NFATC1: variants seen among roughly 807,000 people sequenced by gnomAD.
NFATC1 encodes nuclear factor of activated T cells 1.
In NFATC1, 22 loss-of-function variants were observed where a neutral mutation model predicts 76.0. The observed-to-expected ratio is 0.29, with a 90% CI of 0.21 to 0.41. The LOEUF (loss-of-function observed/expected upper bound fraction) is 0.41. Ranked by LOEUF, NFATC1 falls within the 10% of genes least tolerant of loss-of-function variation. The pLI, the probability that NFATC1 is intolerant of heterozygous loss-of-function variation, is 1.00. For missense variants in NFATC1, 1,357 were observed against 1,337.7 expected, an observed-to-expected ratio of 1.01 and a Z score of -0.23; for synonymous variants, 704 against 613.1, an observed-to-expected ratio of 1.15 and a Z score of -2.19.
intron 7 of NFATC1, among the ~76,000 whole-genome samples, chr18:79,462,746 A>G (rs1438022125): frequency 6.9e-6 from 1 of 145,370 alleles, no homozygotes; most frequent in Non-Finnish European, 1.5e-5. Context: ...TGAAGACATG[A>G]ACATGCTTCT....
rs762645075 is a variant in NFATC1 at position 79,449,089 on chromosome 18, C to T, written c.1589+105C>T. On this transcript the variant is annotated intron_variant, in intron 4 of 9. Transcript: ENST00000427363. The stretch of plus-strand genomic sequence containing the variant: ...GCCAGCCCCCCGCACTTCCAGGCTG[C>T]GTGGCCAGGACACTTTTGGTTTAAC... 58 of 1,118,932 alleles carry T rather than the reference C, an allele frequency of 5.2e-5. No individual in the cohort carries two copies. In the East Asian group the frequency reaches 9.5e-4, roughly 18 times the overall value. 69.3% of individuals were successfully genotyped at this position (1,118,932 alleles called of 1,614,324 possible). A position where few individuals can be genotyped will look rare whatever the true frequency, so the allele number is the denominator to read the frequency against.
chr18:79,517,111 G>A (rs925852121), intron 9 of NFATC1, among the ~76,000 whole-genome samples: 12 of 152,212 alleles, frequency 7.9e-5, no homozygotes, highest in African/African-American at 2.7e-4. Flanking sequence ...TGTCAAAGCT[G>A]AGTACAGCAA....
At chr18:79,466,809 G>A (rs1037494696) in intron 7 of NFATC1, among the ~76,000 whole-genome samples, 7 of 152,178 alleles carry the variant, frequency 4.6e-5, no homozygotes, top group African/African-American at 4.8e-5. Context: ...CAGAGACCGC[G>A]TCTCCAGGAA....
intron 7 of NFATC1, among the ~76,000 whole-genome samples, chr18:79,464,949 C>G (rs1245897171): frequency 6.6e-6 from 1 of 151,922 alleles, no homozygotes; most frequent in East Asian, 1.9e-4. Flanking sequence ...AAGCAATCCT[C>G]CCACCTGGGC....
intron 7 of NFATC1, among the ~76,000 whole-genome samples, chr18:79,462,605 G>C (rs763822832): frequency 3.9e-5 from 6 of 152,204 alleles, no homozygotes; most frequent in Non-Finnish European, 7.3e-5. Flanking sequence ...TGCCCGGCCT[G>C]ATGTTCACTT....
chr18:79,457,933 T>C (rs1178377622), intron 6 of NFATC1, among the ~76,000 whole-genome samples: 1 of 152,182 alleles, frequency 6.6e-6, no homozygotes, highest in Non-Finnish European at 1.5e-5. Flanking sequence ...ACGTGGGGTC[T>C]TTCTGTGGCT....
chr18:79,496,265 C>T (rs575448278), intron 9 of NFATC1: 1 of 152,678 alleles, frequency 6.5e-6, no homozygotes, highest in South Asian at 2.1e-4. Context: ...TATTTGAGAA[C>T]GAGTGTTCTT....
intron 1 of NFATC1, among the ~76,000 whole-genome samples, chr18:79,403,527 C>G (rs2085335617): frequency 6.6e-6 from 1 of 152,218 alleles, no homozygotes; most frequent in Admixed American, 6.5e-5. Flanking sequence ...TGCTTCCCGC[C>G]CCAGGGCTCC....
At chr18:79,442,235 TGCACGTGTGGAGACTG>T (rs1261050630) in intron 3 of NFATC1, among the ~76,000 whole-genome samples, 1 of 152,218 alleles carries the variant, frequency 6.6e-6, no homozygotes, top group Non-Finnish European at 1.5e-5. Context: ...GAGACCCGCG[TGCACGTGTGGAGACTG>T]GCACGTGTGA....
At chr18:79,479,280 G>A (rs951344129) in intron 8 of NFATC1, among the ~76,000 whole-genome samples, 4 of 152,218 alleles carry the variant, frequency 2.6e-5, no homozygotes, top group Admixed American at 6.5e-5. Flanking sequence ...GCCAGAGGCC[G>A]CCTGGTGCAG....
rs2088415125 is a variant in NFATC1, at chr18:79,465,230, G to T, written c.1960-2220G>T. 6.6e-6 allele frequency among the ~76,000 whole-genome samples: 1 copy of T among 152,106 alleles called. No homozygotes were observed. ...TCCTTCTGTGTGTATTTAAGTGGCA[G>T]TGCTCCCACGGAGATAGTATTTTTG... On this transcript the variant is annotated intron_variant, in intron 7 of 9. Transcript: ENST00000427363. This position sits in a 1 kb window ranked among gnomAD's most constrained non-coding sequence, Gnocchi z 4.2.
intron 1 of NFATC1, among the ~76,000 whole-genome samples, chr18:79,405,920 A>C (rs2085420652): frequency 6.6e-6 from 1 of 151,268 alleles, no homozygotes; most frequent in Admixed American, 6.6e-5. Flanking sequence ...CCTCTTCCTC[A>C]CTTCCCCTCA....
At position 79,520,533 on chromosome 18, in the gene NFATC1, G is replaced by T. The variant is rs566493972; in HGVS notation, c.2783-6995G>T. On this transcript the variant is annotated intron_variant, in intron 9 of 9. Transcript: ENST00000427363. ...CAAGCAGCAGAAGACTCTGTGTGTG[G>T]GGGGGGGAGGGTGCATCCACCACTA... Among the ~76,000 whole-genome samples, 99 of 141,416 alleles carry T rather than the reference G, an allele frequency of 7.0e-4. 3 individuals carry two copies. Among genetic ancestry groups the T allele is most frequent in the African/African-American group, 2.0e-3 (78 of 38,448 alleles). 92.8% of individuals were successfully genotyped at this position (141,416 alleles called of 152,430 possible). A position where few individuals can be genotyped will look rare whatever the true frequency, so the allele number is the denominator to read the frequency against.
At chr18:79,401,840 C>A (rs115269440) in intron 1 of NFATC1, among the ~76,000 whole-genome samples, 7,976 of 152,294 alleles carry the variant, frequency 0.052, 330 homozygotes, top group African/African-American at 0.12. Context: ...TGACTGTGGG[C>A]CTGCGACAGG....
At chr18:79,434,981 C>T (rs2086721567) in intron 3 of NFATC1, among the ~76,000 whole-genome samples, 1 of 152,214 alleles carries the variant, frequency 6.6e-6, no homozygotes, top group Non-Finnish European at 1.5e-5. Context: ...CATTTAAAGT[C>T]TCCACCCTCC....
intron 8 of NFATC1, among the ~76,000 whole-genome samples, chr18:79,477,399 ATTC>A (rs1290156955): frequency 6.6e-6 from 1 of 152,254 alleles, no homozygotes; most frequent in Non-Finnish European, 1.5e-5. Flanking sequence ...TCTTGGGATC[ATTC>A]TTTGCTGTGC....
At chr18:79,491,153 A>G (rs2089666822) in intron 9 of NFATC1, among the ~76,000 whole-genome samples, 1 of 152,028 alleles carries the variant, frequency 6.6e-6, no homozygotes, top group African/African-American at 2.4e-5. Flanking sequence ...ATTAATATAT[A>G]TTTTGTCTAA....
intron 2 of NFATC1, among the ~76,000 whole-genome samples, chr18:79,431,695 TTTTGTTGTTG>T (rs1325355590): frequency 2.0e-5 from 3 of 152,016 alleles, no homozygotes; most frequent in African/African-American, 7.2e-5. Context: ...CTGGCCTTGT[TTTTGTTGTTG>T]TTTGTTGTTT....
At chr18:79,479,414 C>T (rs771695361) in intron 8 of NFATC1, among the ~76,000 whole-genome samples, 1 of 152,232 alleles carries the variant, frequency 6.6e-6, no homozygotes, top group Non-Finnish European at 1.5e-5. Context: ...CTCTTGCAGA[C>T]GCTCACTCAC....
Sources: allele counts gnomAD v4.1 joint callset (sites outside exome capture counted in the v4.1 genomes callset), GRCh38; gene constraint gnomAD v4.1.1; non-coding constraint Gnocchi (gnomAD v3.1); transcripts MANE v1.5; gene names NCBI Gene and HGNC (gene_info 2026-07-23, HGNC 2026-07-21).